MPP4: variants seen among roughly 807,000 people sequenced by gnomAD.
MPP4 encodes MAGUK p55 subfamily member 4.
A neutral mutation model predicts 98.3 loss-of-function variants in MPP4; 91 were observed. That is an observed-to-expected ratio of 0.93 (90% CI 0.78 to 1.10). The LOEUF is 1.10. Ranked by LOEUF, MPP4 falls within the 50% of genes least tolerant of loss-of-function variation. The pLI is 0.00. For synonymous variants in MPP4, 261 were observed against 271.8 expected (o/e 0.96, Z 0.39); for missense variants, 744 against 792.9 (o/e 0.94, Z 0.74).
intron 10 of MPP4, among the ~76,000 whole-genome samples, chr2:201,676,776 T>C (rs1410853522): frequency 2.0e-5 from 3 of 152,136 alleles, no homozygotes; most frequent in Admixed American, 6.5e-5. Flanking sequence ...GGTGCGCACC[T>C]GGAGTCCCAG....
chr2:201,675,170 A>T lies in MPP4; in HGVS notation c.994+37T>A, dbSNP rs769353896. On this transcript the variant is annotated intron_variant, in intron 11 of 21. Transcript: ENST00000409474. ...ACTGCAATGCCATGGTCTTTATTGC[A>T]AACAGGAAGAACCTGTCGGGCAGTT... The T allele has an allele frequency of 9.5e-6, 15 of 1,579,418 alleles. No individual in the cohort carries two copies. In the East Asian group the frequency reaches 2.8e-4, roughly 29 times the overall value.
At chr2:201,650,953 G>A (rs1362795205) in intron 18 of MPP4, 1 of 985,160 alleles carries the variant, frequency 1.0e-6, no homozygotes, top group Non-Finnish European at 1.2e-6. Context: ...GTTATTTGTT[G>A]TCTGCTCATT....
At chr2:201,680,640 T>A (rs1163426072) in intron 10 of MPP4, 198 bp downstream of exon 10, 2 of 532,240 alleles carry the variant, frequency 3.8e-6, no homozygotes, top group Non-Finnish European at 6.6e-6. Context: ...CTAGCTGATA[T>A]GATTATTCTC....
intron 21 of MPP4, among the ~76,000 whole-genome samples, chr2:201,647,353 C>T (rs561789839): frequency 6.6e-6 from 1 of 151,132 alleles, no homozygotes; most frequent in East Asian, 2.0e-4. Flanking sequence ...TTAAGCTAGA[C>T]CCAAAAAAAT....
chr2:201,684,624 G>T (rs2105942026), intron 7 of MPP4, among the ~76,000 whole-genome samples: 1 of 152,254 alleles, frequency 6.6e-6, no homozygotes, highest in East Asian at 1.9e-4. Context: ...CCAAGAAATG[G>T]AACTTACTAA....
chr2:201,648,957 G>A (rs1385835652), intron 20 of MPP4, among the ~76,000 whole-genome samples: 4 of 152,094 alleles, frequency 2.6e-5, no homozygotes, highest in African/African-American at 9.7e-5. Context: ...CTAGCTACTC[G>A]GGAGGCTGAG....
chr2:201,660,364 T>G lies in MPP4; in HGVS notation c.1073-18A>C. On this transcript the variant is annotated intron_variant, in intron 14 of 21. Coordinates refer to ENST00000409474, the MANE Select transcript of MPP4 (RefSeq NM_033066.3). The stretch of plus-strand genomic sequence containing the variant: ...AAGTTCCTCTGGATATTTGGGTAAG[T>G]GCAGAAACAGACATGAAAAAGTTAA... The G allele has an allele frequency of 1.2e-6, 2 of 1,613,360 alleles. No homozygotes were observed. Among genetic ancestry groups the G allele is most frequent in the Non-Finnish European group, 1.7e-6 (2 of 1,179,318 alleles).
At chr2:201,657,587 C>CTTTTTTTTTTTTTTTTT (rs1394116666) in intron 16 of MPP4, among the ~76,000 whole-genome samples, 1 of 66,274 alleles carries the variant, frequency 1.5e-5, no homozygotes, top group Non-Finnish European at 3.6e-5. Flanking sequence ...AACCCTGGCC[C>CTTTTTTTTTTTTTTTTT]TTGTTTTTTT....
chr2:201,650,187 A>C, intron 18 of MPP4, 22 bp from the exon 19 acceptor site: 7 of 1,549,440 alleles, frequency 4.5e-6, no homozygotes, highest in Non-Finnish European at 5.2e-6. Context: ...AGGGAATGAA[A>C]GGTTTCAGTG....
intron 3 of MPP4, 118 bp from the exon 4 acceptor site, chr2:201,690,397 C>T (rs1365221236): frequency 1.5e-5 from 9 of 612,908 alleles, no homozygotes; most frequent in African/African-American, 1.8e-5. Flanking sequence ...CTGCACAGCA[C>T]GGTGTGGTTG....
At chr2:201,672,404 G>C (rs1270752640) in intron 11 of MPP4, among the ~76,000 whole-genome samples, 1 of 152,044 alleles carries the variant, frequency 6.6e-6, no homozygotes, top group Non-Finnish European at 1.5e-5. Flanking sequence ...GATCAGAGCA[G>C]AACTGAAGGA....
chr2:201,656,598 T>C (rs1374603990), intron 16 of MPP4, among the ~76,000 whole-genome samples: 1 of 152,260 alleles, frequency 6.6e-6, no homozygotes, highest in Non-Finnish European at 1.5e-5. Flanking sequence ...GTGCTGGCGA[T>C]AGATGGCTCA....
rs1201300877 is a variant in MPP4, at chr2:201,680,974, C to T, written c.793G>A (p.Asp265Asn). The stretch of plus-strand genomic sequence containing the variant: ...CCCTTCTGGAAAGGCAATCCAGCGT[C>T]CATGCAGGGGATGTCGGGATCCTCC... ...PQEDPDIPCM[D>N]AGLPFQKGDI... The change falls in exon 10 of 22, where the codon GAC becomes AAC. Residue 265 changes from aspartate to asparagine, a missense_variant. Asp to Asn is a conservative substitution (Grantham distance 23, BLOSUM62 1). Coordinates refer to ENST00000409474, the MANE Select transcript of MPP4 (RefSeq NM_033066.3). The T allele has an allele frequency of 6.2e-7, 1 of 1,613,806 alleles. No homozygotes were observed. Among genetic ancestry groups the T allele is most frequent in the African/African-American group, 1.3e-5 (1 of 74,886 alleles).
chr2:201,656,223 G>A lies in MPP4; in HGVS notation c.1275C>T (p.Asp425=). The change falls in exon 17 of 22, where the codon GAC becomes GAT. Residue 425 remains aspartate (D), a synonymous_variant. Transcript: ENST00000409474. ...CCATGAGCACTATGAGGCGGTACTT[G>A]TCTGAAGGGCGTCGCTGGTACCTCA... is the stretch of plus-strand genomic sequence containing the variant. ...EVVRYQRRPS[D]KYRLIVLMGP... The A allele has an allele frequency of 6.2e-7, 1 of 1,606,064 alleles. No homozygotes were observed. The highest frequency in any genetic ancestry group is 8.5e-7 in the Non-Finnish European group (1 of 1,176,310).
intron 4 of MPP4, 69 bp downstream of exon 4, chr2:201,690,133 G>T: frequency 9.9e-7 from 1 of 1,007,936 alleles, no homozygotes; most frequent in South Asian, 1.8e-5. Context: ...TAATTCATTT[G>T]AACTAGCAAT....
At chr2:201,645,504 A>G in intron 21 of MPP4, 100 bp from the exon 22 acceptor site, 2 of 1,029,552 alleles carry the variant, frequency 1.9e-6, no homozygotes, top group Non-Finnish European at 2.7e-6. Flanking sequence ...GAAACTATGT[A>G]TAAAAACAGT....
chr2:201,662,499 T>TC (rs1688056007), intron 14 of MPP4, among the ~76,000 whole-genome samples: 2 of 43,666 alleles, frequency 4.6e-5, no homozygotes, highest in African/African-American at 1.6e-4. Context: ...AGACTCTGTC[T>TC]CAAAAAAAAA....
intron 17 of MPP4, 21 bp downstream of exon 17, chr2:201,656,177 A>G (rs1323052030): frequency 8.2e-6 from 13 of 1,578,182 alleles, no homozygotes; most frequent in Non-Finnish European, 1.0e-5. Flanking sequence ...AGGAGGAGAG[A>G]CAGTGCATGC....
chr2:201,674,384 T>G (rs1014980485), intron 11 of MPP4, among the ~76,000 whole-genome samples: 1 of 152,232 alleles, frequency 6.6e-6, no homozygotes, highest in Non-Finnish European at 1.5e-5. Flanking sequence ...GGACTTCAGA[T>G]GGCTGGCTGC....
Sources: allele counts gnomAD v4.1 joint callset (sites outside exome capture counted in the v4.1 genomes callset), GRCh38; gene constraint gnomAD v4.1.1; transcripts MANE v1.5; gene names NCBI Gene and HGNC (gene_info 2026-07-23, HGNC 2026-07-21).